The following CAV1 variants were observed in gnomAD, a reference collection of about 807,000 sequenced individuals.
CAV1 encodes caveolin 1.
Under a neutral mutation model 16.5 loss-of-function variants are expected in CAV1, and 10 were observed. That is an observed-to-expected ratio of 0.61 (90% CI 0.37 to 1.03). The LOEUF (loss-of-function observed/expected upper bound fraction) is 1.03, where lower values mean the gene tolerates loss of function less well. Ranked by LOEUF, CAV1 falls within the 50% of genes least tolerant of loss-of-function variation. The pLI, the probability that CAV1 is intolerant of heterozygous loss-of-function variation, is 0.01. For missense variants in CAV1, 212 were observed against 232.8 expected (o/e 0.91, Z 0.58); for synonymous variants, 76 against 85.1 (o/e 0.89, Z 0.59).
intron 2 of CAV1, among the ~76,000 whole-genome samples, chr7:116,547,301 G>A (rs1244296557): frequency 6.6e-6 from 1 of 152,118 alleles, no homozygotes; most frequent in Non-Finnish European, 1.5e-5. Context: ...AGTGTAGAAA[G>A]ATTTAGCTTA....
intron 2 of CAV1, among the ~76,000 whole-genome samples, chr7:116,552,337 TGTG>T (rs1295001017): frequency 6.6e-6 from 1 of 152,218 alleles, no homozygotes; most frequent in African/African-American, 2.4e-5. Flanking sequence ...GGTAGTGTAT[TGTG>T]GTAATAGAGA....
intron 2 of CAV1, among the ~76,000 whole-genome samples, chr7:116,532,847 A>G (rs1793713280): frequency 6.6e-6 from 1 of 152,192 alleles, no homozygotes; most frequent in Non-Finnish European, 1.5e-5. Flanking sequence ...GCATGAAGTA[A>G]TCAGATCAGG....
At chr7:116,545,312 A>G (rs933548119) in intron 2 of CAV1, among the ~76,000 whole-genome samples, 1 of 152,196 alleles carries the variant, frequency 6.6e-6, no homozygotes, top group African/African-American at 2.4e-5. Flanking sequence ...ATGAAGAATC[A>G]TTAGACCTAA....
At chr7:116,539,069 C>T (rs1217161407) in intron 2 of CAV1, among the ~76,000 whole-genome samples, 1 of 152,144 alleles carries the variant, frequency 6.6e-6, no homozygotes, top group Non-Finnish European at 1.5e-5. Flanking sequence ...TTGGGAAGCA[C>T]CAGCCCTGCA....
At chr7:116,533,464 CT>C (rs2115968450) in intron 2 of CAV1, among the ~76,000 whole-genome samples, 1 of 151,974 alleles carries the variant, frequency 6.6e-6, no homozygotes, top group South Asian at 2.1e-4. Flanking sequence ...TGTTTCTTTT[CT>C]TTATTTATTT....
chr7:116,546,702 A>AAAAAAAAATAATAAAT lies in CAV1; in HGVS notation c.196-12236_196-12235insTAATAAATAAAAAAAA, dbSNP rs754539592. On this transcript the variant is annotated intron_variant, in intron 2 of 2. Coordinates refer to ENST00000341049, the MANE Select transcript of CAV1 (RefSeq NM_001753.5). ...ACAAGAATGAGACTCTGTCACAAAAAAAAAAAAAAAAAGTCTGCAGGCTGC... is the reference window on the plus strand; with the variant it reads ...ACAAGAATGAGACTCTGTCACAAAAAAAAAAAAATAATAAATAAAAAAAAAAAAGTCTGCAGGCTGC... Among the ~76,000 whole-genome samples the AAAAAAAAATAATAAAT allele has an allele frequency of 3.8e-3, 544 of 143,046 alleles. 6 individuals carry two copies. Among genetic ancestry groups the AAAAAAAAATAATAAAT allele is most frequent in the Non-Finnish European group, 6.9e-3 (454 of 65,368 alleles). 93.8% of individuals were successfully genotyped at this position (143,046 alleles called of 152,430 possible). A position where few individuals can be genotyped will look rare whatever the true frequency, so the allele number is the denominator to read the frequency against.
At chr7:116,555,546 A>AGAG (rs1562838385) in intron 2 of CAV1, among the ~76,000 whole-genome samples, 1 of 33,836 alleles carries the variant, frequency 3.0e-5, no homozygotes, top group African/African-American at 1.3e-4. Flanking sequence ...GAGAGAGAGA[A>AGAG]AGAAAGAAAG....
At chr7:116,526,167 G>A (rs961983258) in intron 1 of CAV1, 4 of 540,866 alleles carry the variant, frequency 7.4e-6, no homozygotes, top group Non-Finnish European at 9.5e-6. Flanking sequence ...CCTCGCCGCC[G>A]AGGTCCTGCG....
chr7:116,526,415 T>TC lies in CAV1; in HGVS notation c.31-105dup. On this transcript the variant is annotated intron_variant, in intron 1 of 2. Coordinates refer to ENST00000341049, the MANE Select transcript of CAV1 (RefSeq NM_001753.5). ...TTAGTTCGATTTCGAGCTCGAGGTT[T>TC]CCCCCGCCGCCAGGCTGACTTCTCA... is the stretch of plus-strand genomic sequence containing the variant. The TC allele has an allele frequency of 3.2e-6, 5 of 1,571,246 alleles. No individual in the cohort carries two copies. In the South Asian group the frequency reaches 4.6e-5, roughly 15 times the overall value.
chr7:116,549,048 A>G (rs1243973856), intron 2 of CAV1, among the ~76,000 whole-genome samples: 1 of 152,192 alleles, frequency 6.6e-6, no homozygotes, highest in African/African-American at 2.4e-5. Context: ...AAGTCATTCT[A>G]AAGAGTATGC....
chr7:116,559,097 G>T lies in CAV1; in HGVS notation c.347G>T (p.Gly116Val). 1 of 1,613,878 alleles carries T rather than the reference G, an allele frequency of 6.2e-7. No homozygotes were observed. Among genetic ancestry groups the T allele is most frequent in the Non-Finnish European group, 8.5e-7 (1 of 1,179,902 alleles). Residue 116 changes from glycine to valine, a missense_variant, in exon 3 of 3, where the codon GGC becomes GTC. Transcript: ENST00000341049. Reference protein sequence around the residue: ...LFGIPMALIWGIYFAILSFLH... With the variant: ...LFGIPMALIWVIYFAILSFLH... ...GGCATCCCGATGGCACTCATCTGGG[G>T]CATTTACTTCGCCATTCTCTCTTTC...
chr7:116,540,121 G>A (rs1257810564), intron 2 of CAV1, among the ~76,000 whole-genome samples: 2 of 152,218 alleles, frequency 1.3e-5, no homozygotes, highest in Non-Finnish European at 2.9e-5. Flanking sequence ...AGAGCTCTGA[G>A]ATTTTGTGTG....
Position 116,526,345 on chromosome 7 carries a change from A to G in CAV1, c.31-180A>G, listed in dbSNP as rs551082247. ...GCGAGATCCTCTTAAAAAGCTGGCTACGCGCAGGCGGTTTCTGTGCACGGA... is the reference window on the plus strand; with the variant it reads ...GCGAGATCCTCTTAAAAAGCTGGCTGCGCGCAGGCGGTTTCTGTGCACGGA... On this transcript the variant is annotated intron_variant, in intron 1 of 2. Transcript: ENST00000341049. The G allele has an allele frequency of 1.6e-4, 236 of 1,476,500 alleles. No homozygotes were observed. In the African/African-American group the frequency reaches 2.9e-3, roughly 18 times the overall value. The allele number at this position is 1,476,500 out of a possible 1,614,324, so 91.5% of individuals were successfully genotyped here. A position where few individuals can be genotyped will look rare whatever the true frequency, so the allele number is the denominator to read the frequency against.
At chr7:116,542,344 T>G (rs1240142486) in intron 2 of CAV1, among the ~76,000 whole-genome samples, 1 of 152,208 alleles carries the variant, frequency 6.6e-6, no homozygotes. Context: ...TTAAAAACAC[T>G]GTTTTAAACA....
chr7:116,528,042 A>C (rs1316781841), intron 2 of CAV1, among the ~76,000 whole-genome samples: 1 of 152,202 alleles, frequency 6.6e-6, no homozygotes, highest in Non-Finnish European at 1.5e-5. Flanking sequence ...TTTACTAAAA[A>C]CATTACCTTA....
intron 2 of CAV1, among the ~76,000 whole-genome samples, chr7:116,548,895 G>A (rs906103059): frequency 2.0e-5 from 3 of 152,136 alleles, no homozygotes; most frequent in African/African-American, 4.8e-5. Context: ...TCCAAGGCCC[G>A]TAAAAGGCTC....
chr7:116,559,077 C>T lies in CAV1; in HGVS notation c.327C>T (p.Ile109=). Residue 109 remains isoleucine (I), a synonymous_variant, in exon 3 of 3, where the codon ATC becomes ATT. Coordinates refer to ENST00000341049, the MANE Select transcript of CAV1 (RefSeq NM_001753.5). ...GCTTGCTGTCTGCCCTCTTTGGCAT[C>T]CCGATGGCACTCATCTGGGGCATTT... ...FYRLLSALFG[I]PMALIWGIYF... 6.2e-7 allele frequency: 1 copy of T among 1,613,920 alleles called. No individual in the cohort carries two copies. Among genetic ancestry groups the T allele is most frequent in the Non-Finnish European group, 8.5e-7 (1 of 1,179,916 alleles).
At chr7:116,542,261 C>T (rs1793956143) in intron 2 of CAV1, among the ~76,000 whole-genome samples, 1 of 151,884 alleles carries the variant, frequency 6.6e-6, no homozygotes, top group Non-Finnish European at 1.5e-5. Flanking sequence ...AGTGTGGTCT[C>T]TGCGAAAGCT....
intron 2 of CAV1, among the ~76,000 whole-genome samples, chr7:116,527,780 A>G (rs1793598534): frequency 6.6e-6 from 1 of 152,118 alleles, no homozygotes; most frequent in African/African-American, 2.4e-5. Flanking sequence ...CCTGCTATCT[A>G]TGGATGGGAG....
Sources: gnomAD v4.1 joint callset for allele counts (sites outside exome capture counted in the v4.1 genomes callset) on GRCh38, gnomAD v4.1.1 for gene constraint, MANE v1.5 for transcripts, NCBI Gene and HGNC (gene_info 2026-07-23, HGNC 2026-07-21) for gene names.